Variants in GALNTL6 observed in about 807,000 individuals in gnomAD.
GALNTL6 encodes polypeptide N-acetylgalactosaminyltransferase-like 6.
Under a neutral mutation model 73.7 loss-of-function variants are expected in GALNTL6, and 46 were observed. That is an observed-to-expected ratio of 0.62 (90% CI 0.49 to 0.80). GALNTL6 has a LOEUF of 0.80. Among genes scored for constraint, GALNTL6 ranks in the 30% least tolerant of loss-of-function variants. The pLI is 0.00. For missense variants in GALNTL6, 604 were observed against 755.0 expected, an observed-to-expected ratio of 0.80 and a Z score of 2.34; for synonymous variants, 259 against 263.7, an observed-to-expected ratio of 0.98 and a Z score of 0.17.
intron 5 of GALNTL6, among the ~76,000 whole-genome samples, chr4:172,802,790 CA>C (rs869063582): frequency 1.3e-5 from 1 of 76,802 alleles, no homozygotes; most frequent in Non-Finnish European, 2.9e-5. Context: ...GACTCCGTCT[CA>C]AAAAAACAAA....
chr4:172,436,863 G>T (rs1197146125), intron 5 of GALNTL6, among the ~76,000 whole-genome samples: 1 of 152,078 alleles, frequency 6.6e-6, no homozygotes, highest in African/African-American at 2.4e-5. Context: ...TACAGGTTAT[G>T]GAATAAGGAG....
intron 3 of GALNTL6, among the ~76,000 whole-genome samples, chr4:172,251,034 G>T (rs528199325): frequency 6.6e-5 from 10 of 150,882 alleles, no homozygotes; most frequent in South Asian, 4.1e-4. Context: ...ATTAGTCAGG[G>T]TTGTCCAAAA....
intron 2 of GALNTL6, among the ~76,000 whole-genome samples, chr4:171,886,984 CTT>C (rs1254816888): frequency 1.3e-5 from 2 of 152,138 alleles, no homozygotes; most frequent in African/African-American, 4.8e-5. Flanking sequence ...ATCTTAGTCT[CTT>C]TTGTGCTGCT....
At chr4:172,122,647 A>G (rs1271537721) in intron 2 of GALNTL6, among the ~76,000 whole-genome samples, 1 of 152,228 alleles carries the variant, frequency 6.6e-6, no homozygotes, top group Non-Finnish European at 1.5e-5. Flanking sequence ...ACTAGTGAGG[A>G]AAAGCCCCTA....
At chr4:172,999,008 T>C (rs1350366989) in intron 10 of GALNTL6, among the ~76,000 whole-genome samples, 1 of 144,580 alleles carries the variant, frequency 6.9e-6, no homozygotes, top group Admixed American at 6.9e-5. Context: ...AAAAAAAACG[T>C]TGGCTGGTAA....
chr4:172,275,661 A>G (rs1738802728), intron 3 of GALNTL6, among the ~76,000 whole-genome samples: 1 of 152,210 alleles, frequency 6.6e-6, no homozygotes, highest in African/African-American at 2.4e-5. Flanking sequence ...AGAAGAGACT[A>G]TAGTTAAGAT....
chr4:172,380,765 TG>T (rs1191837204), intron 5 of GALNTL6, among the ~76,000 whole-genome samples: 3 of 152,178 alleles, frequency 2.0e-5, no homozygotes, highest in Non-Finnish European at 2.9e-5. Context: ...CATATTCAAT[TG>T]TTTTGTTTTG....
In GALNTL6 at chr4:172,321,211, G is replaced by T. The variant is rs545726584; in HGVS notation, c.386+9459G>T. On this transcript the variant is annotated intron_variant, in intron 4 of 12. Coordinates refer to ENST00000506823, the MANE Select transcript of GALNTL6 (RefSeq NM_001034845.3). ...TCTGCAGTTTTAGGCATCTACTAGG[G>T]GTCGTGGAACATATCCCCCATGGAT... is the stretch of plus-strand genomic sequence containing the variant. 1.4e-4 allele frequency among the ~76,000 whole-genome samples: 21 copies of T among 152,164 alleles called. No individual in the cohort carries two copies. In the South Asian group the frequency reaches 4.2e-3, roughly 30 times the overall value.
At chr4:172,949,914 A>C (rs982974830) in intron 9 of GALNTL6, among the ~76,000 whole-genome samples, 10 of 151,954 alleles carry the variant, frequency 6.6e-5, no homozygotes, top group Non-Finnish European at 8.8e-5. Context: ...GTCTCAAAAA[A>C]AAAAAAGAAA....
intron 2 of GALNTL6, among the ~76,000 whole-genome samples, chr4:171,930,784 A>G (rs147051791): frequency 0.044 from 6,721 of 152,242 alleles, 404 homozygotes; most frequent in African/African-American, 0.14. Context: ...GCAGTGAGCT[A>G]AGATGGTGCC....
At chr4:172,859,278 T>C (rs1214811759) in intron 7 of GALNTL6, among the ~76,000 whole-genome samples, 1 of 152,166 alleles carries the variant, frequency 6.6e-6, no homozygotes, top group Non-Finnish European at 1.5e-5. Flanking sequence ...TTTTACCTGG[T>C]GTCACCCCTG....
chr4:172,972,782 A>G (rs1031604000), intron 10 of GALNTL6, among the ~76,000 whole-genome samples: 4 of 152,258 alleles, frequency 2.6e-5, no homozygotes, highest in African/African-American at 4.8e-5. Flanking sequence ...CCCACTTGCC[A>G]TAGATGAGAC....
chr4:172,998,480 A>G (rs770356955), intron 10 of GALNTL6, among the ~76,000 whole-genome samples: 8 of 152,264 alleles, frequency 5.3e-5, no homozygotes, highest in Admixed American at 2.0e-4. Flanking sequence ...TTTCTCCTGT[A>G]TATATCATTC....
chr4:172,914,259 G>A (rs1747375934), intron 8 of GALNTL6, among the ~76,000 whole-genome samples: 1 of 152,134 alleles, frequency 6.6e-6, no homozygotes, highest in Non-Finnish European at 1.5e-5. Context: ...CACTAAACAT[G>A]GAAAGGAACA....
rs553764576 is a variant in GALNTL6, at chr4:172,838,373, G to A, written c.923+24650G>A. Among the ~76,000 whole-genome samples the A allele has an allele frequency of 1.6e-3, 247 of 152,244 alleles. 1 individual carries two copies. Among genetic ancestry groups the A allele is most frequent in the African/African-American group, 5.4e-3 (226 of 41,528 alleles). On this transcript the variant is annotated intron_variant, in intron 7 of 12. Coordinates refer to ENST00000506823, the MANE Select transcript of GALNTL6 (RefSeq NM_001034845.3). ...TGTCCGGTGGGCGGAGTCCAGACAC[G>A]CAGTGTGTCCACAGGGATGTCCCAG... is the stretch of plus-strand genomic sequence containing the variant.
In GALNTL6 at chr4:171,887,464, T is replaced by A. The variant is rs1247712257; in HGVS notation, c.138+72746T>A. On this transcript the variant is annotated intron_variant, in intron 2 of 12. Transcript: ENST00000506823. ...AAGTATAGAATAAAAAGGAGAACTT[T>A]TGAAGAACATAAGATTACTGGATTG... 2.0e-5 allele frequency among the ~76,000 whole-genome samples: 3 copies of A among 152,138 alleles called. No individual in the cohort carries two copies. The East Asian group carries it at 5.8e-4, about 29-fold the overall frequency.
intron 2 of GALNTL6, among the ~76,000 whole-genome samples, chr4:172,156,544 T>TATATATATATATATATATATATATATATA (rs1734280803): frequency 1.5e-5 from 1 of 67,948 alleles, no homozygotes; most frequent in Non-Finnish European, 2.8e-5. Flanking sequence ...ATATATAATA[T>TATATATATATATATATATATATATATATA]ATATATATAT....
chr4:172,763,678 G>T (rs1738243983), intron 5 of GALNTL6, among the ~76,000 whole-genome samples: 1 of 152,190 alleles, frequency 6.6e-6, no homozygotes. Context: ...TTTGACAGAT[G>T]CCTTTAATGA....
chr4:172,402,866 C>T (rs184296495), intron 5 of GALNTL6, among the ~76,000 whole-genome samples: 33 of 152,078 alleles, frequency 2.2e-4, no homozygotes, highest in African/African-American at 5.8e-4. Context: ...TACAGAAAAA[C>T]GAATGAATAC....
Sources: allele counts gnomAD v4.1 joint callset (sites outside exome capture counted in the v4.1 genomes callset), GRCh38; gene constraint gnomAD v4.1.1; transcripts MANE v1.5; gene names NCBI Gene and HGNC (gene_info 2026-07-23, HGNC 2026-07-21).